Variants in TMX1 observed in about 807,000 individuals in gnomAD.
TMX1 encodes the protein thioredoxin related transmembrane protein 1, also known as thioredoxin-related transmembrane protein 1.
TMX1 carries 25 observed loss-of-function variants against 36.6 expected under a neutral mutation model. That is an observed-to-expected ratio of 0.68 (90% confidence interval 0.50 to 0.95). The LOEUF is 0.95. TMX1 is among the 40% of genes least tolerant of loss of function. The pLI is 0.00. For missense variants in TMX1, 347 were observed against 339.6 expected, an observed-to-expected ratio of 1.02 and a Z score of -0.17; for synonymous variants, 133 against 118.0, an observed-to-expected ratio of 1.13 and a Z score of -0.82.
At chr14:51,250,361 A>G (rs1055544389) in intron 7 of TMX1, among the ~76,000 whole-genome samples, 3 of 152,252 alleles carry the variant, frequency 2.0e-5, no homozygotes, top group Non-Finnish European at 4.4e-5. Context: ...TAGAGTGCAT[A>G]GGTGTTACTG....
In TMX1 at chr14:51,240,458, G is replaced by T; in HGVS notation, c.152+14G>T. 1 of 1,612,236 alleles carries T rather than the reference G, an allele frequency of 6.2e-7. No homozygotes were observed. On this transcript the variant is annotated intron_variant, in intron 1 of 7. Transcript: ENST00000457354. Reference sequence around the variant, plus strand: ...GATGATAGAATTGTGAGTGCGGGGCGGCCAGGGTCCTACGTCCGTGCCTGG... The same window carrying T: ...GATGATAGAATTGTGAGTGCGGGGCTGCCAGGGTCCTACGTCCGTGCCTGG...
At position 51,247,158 on chromosome 14, in the gene TMX1, A is replaced by T; in HGVS notation, c.381A>T (p.Ile127=). 6.2e-7 allele frequency: 1 copy of T among 1,613,370 alleles called. No homozygotes were observed. The highest frequency in any genetic ancestry group is 8.5e-7 in the Non-Finnish European group (1 of 1,179,742). The stretch of plus-strand genomic sequence containing the variant: ...CTAAGAAGGACTTCATAAACTTTAT[A>T]AGTGATAAAGAGTGGAAGAGTATTG... ...PRTKKDFINF[I]SDKEWKSIEP... Residue 127 remains isoleucine, a synonymous_variant, in exon 4 of 8, where the codon ATA becomes ATT. Transcript: ENST00000457354.
At chr14:51,250,553 G>A (rs549238044) in intron 7 of TMX1, among the ~76,000 whole-genome samples, 3 of 152,072 alleles carry the variant, frequency 2.0e-5, no homozygotes, top group African/African-American at 2.4e-5. Flanking sequence ...GTGCAGTGGC[G>A]CGATCTTGGC....
At chr14:51,249,647 G>C (rs2065802625) in intron 6 of TMX1, 46 bp from the exon 7 acceptor site, 2 of 1,593,502 alleles carry the variant, frequency 1.3e-6, no homozygotes, top group African/African-American at 2.7e-5. Context: ...CATTAGCTGT[G>C]GCATATATTC....
At chr14:51,252,618 A>G (rs1402611746) in intron 7 of TMX1, among the ~76,000 whole-genome samples, 2 of 152,194 alleles carry the variant, frequency 1.3e-5, no homozygotes, top group Non-Finnish European at 2.9e-5. Flanking sequence ...TTCTTTAGTA[A>G]TACAACTGAT....
Position 51,245,295 on chromosome 14 carries a change from T to C in TMX1, c.269-18T>C, listed in dbSNP as rs550885531. ...TGATTGGCCTATGTAAAACCTGCTG[T>C]GTGTTCTTTATTTGTAGGACTGAGT... On this transcript the variant is annotated intron_variant, in intron 2 of 7. Coordinates refer to ENST00000457354, the MANE Select transcript of TMX1 (RefSeq NM_030755.5). 1.2e-6 allele frequency: 2 copies of C among 1,613,414 alleles called. No homozygotes were observed. The highest frequency in any genetic ancestry group is 2.2e-5 in the South Asian group (2 of 91,054).
At chr14:51,242,179 A>G (rs920002851) in intron 1 of TMX1, among the ~76,000 whole-genome samples, 2 of 152,184 alleles carry the variant, frequency 1.3e-5, no homozygotes, top group Non-Finnish European at 2.9e-5. Flanking sequence ...GGAAATTTTC[A>G]TAGTATGCAT....
rs1457007933 is a variant in TMX1, at chr14:51,240,274, G to C, written c.-19G>C. The C allele has an allele frequency of 6.2e-7, 1 of 1,606,708 alleles. No individual in the cohort carries two copies. On this transcript the variant is annotated 5_prime_UTR_variant, in exon 1 of 8. Transcript: ENST00000457354. ...TGGGAGCTGCGACCGCGCTCCCTGT[G>C]AGGTGGGCAAGCGGCGAAATGGCGC...
Position 51,254,534 on chromosome 14 carries a change from T to C in TMX1, c.*15T>C, listed in dbSNP as rs2065829972. On this transcript the variant is annotated 3_prime_UTR_variant, in exon 8 of 8. Coordinates refer to ENST00000457354, the MANE Select transcript of TMX1 (RefSeq NM_030755.5). Reference sequence around the variant, plus strand: ...ATAAATCCTAGTTAAATTTTATAGTTATCTTAATATTATGATTTTGATAAA... The same window carrying C: ...ATAAATCCTAGTTAAATTTTATAGTCATCTTAATATTATGATTTTGATAAA... 1 of 1,567,514 alleles carries C rather than the reference T, an allele frequency of 6.4e-7. No homozygotes were observed. The highest frequency in any genetic ancestry group is 1.2e-5 in the South Asian group (1 of 81,558).
chr14:51,245,089 ACT>A (rs542639478), intron 2 of TMX1, among the ~76,000 whole-genome samples: 66 of 152,180 alleles, frequency 4.3e-4, no homozygotes, highest in African/African-American at 1.5e-3. Context: ...TGTATTCAGT[ACT>A]CTAGTTCTAC....
intron 4 of TMX1, among the ~76,000 whole-genome samples, chr14:51,247,421 A>G (rs979526611): frequency 5.5e-5 from 8 of 145,834 alleles, no homozygotes; most frequent in East Asian, 4.0e-4. Context: ...CAGTGGCGCA[A>G]TCTCGGCTCA....
rs2065838005 is a variant in TMX1, at chr14:51,256,262, A to AT, written c.*1750dup. 1 of 151,788 alleles carries AT rather than the reference A, an allele frequency of 6.6e-6. No individual in the cohort carries two copies. Among genetic ancestry groups the AT allele is most frequent in the African/African-American group, 2.4e-5 (1 of 41,340 alleles). 9.4% of individuals were successfully genotyped at this position (151,788 alleles called of 1,614,324 possible). Reference sequence around the variant, plus strand: ...TGTTCTAGTATATGTGACATGGCCAATTTTTTTATTAGAAAATATGTGACC... The same window carrying AT: ...TGTTCTAGTATATGTGACATGGCCAATTTTTTTTATTAGAAAATATGTGACC... On this transcript the variant is annotated 3_prime_UTR_variant, in exon 8 of 8. Coordinates refer to ENST00000457354, the MANE Select transcript of TMX1 (RefSeq NM_030755.5).
At chr14:51,250,655 C>G (rs529341509) in intron 7 of TMX1, among the ~76,000 whole-genome samples, 3 of 152,222 alleles carry the variant, frequency 2.0e-5, no homozygotes, top group African/African-American at 7.2e-5. Context: ...CCACGCCCGG[C>G]TAATTTTTTG....
chr14:51,251,137 A>G (rs943081651), intron 7 of TMX1, among the ~76,000 whole-genome samples: 1 of 152,256 alleles, frequency 6.6e-6, no homozygotes, highest in African/African-American at 2.4e-5. Context: ...AGATAGATAT[A>G]TAAAAGTAGC....
At chr14:51,247,850 C>T (rs1460255114) in intron 4 of TMX1, among the ~76,000 whole-genome samples, 2 of 152,152 alleles carry the variant, frequency 1.3e-5, no homozygotes, top group Non-Finnish European at 2.9e-5. Flanking sequence ...AAAGCTATCA[C>T]TCGAGTGTAA....
rs184706039 is a variant in TMX1, at chr14:51,253,863, A to C, written c.665-478A>C. On this transcript the variant is annotated intron_variant, in intron 7 of 7. Transcript: ENST00000457354. ...TGTTCCCCTGGGAACTGAAACAAGG[A>C]TACTGTTTAAGTTTTAGTATACTTG... 2.0e-5 allele frequency: 3 copies of C among 152,474 alleles called. No individual in the cohort carries two copies. The East Asian group carries it at 5.8e-4, about 29-fold the overall frequency. The allele number at this position is 152,474 out of a possible 1,614,324, so 9.4% of individuals were successfully genotyped here. A position where few individuals can be genotyped will look rare whatever the true frequency, so the allele number is the denominator to read the frequency against.
rs1596410545 is a variant in TMX1 at position 51,257,637 on chromosome 14, A to G, written c.*3118A>G. ...TAGAGTAACAATAAATTTAAGTTGG[A>G]ATTTTGGTAATATGTAAATAGCAAA... On this transcript the variant is annotated 3_prime_UTR_variant, in exon 8 of 8. Coordinates refer to ENST00000457354, the MANE Select transcript of TMX1 (RefSeq NM_030755.5). The G allele has an allele frequency of 6.6e-6, 1 of 152,136 alleles. No homozygotes were observed. The highest frequency in any genetic ancestry group is 2.4e-5 in the African/African-American group (1 of 41,420). 9.4% of individuals were successfully genotyped at this position (152,136 alleles called of 1,614,324 possible). A position where few individuals can be genotyped will look rare whatever the true frequency, so the allele number is the denominator to read the frequency against.
At chr14:51,249,267 T>C in intron 4 of TMX1, 59 bp from the exon 5 acceptor site, 1 of 1,382,300 alleles carries the variant, frequency 7.2e-7, no homozygotes, top group South Asian at 1.3e-5. Flanking sequence ...TAGAAAATAG[T>C]ATGTATAGAC....
intron 4 of TMX1, 74 bp from the exon 5 acceptor site, chr14:51,249,252 T>C: frequency 8.0e-7 from 1 of 1,243,530 alleles, no homozygotes; most frequent in Non-Finnish European, 1.1e-6. Context: ...GGGGAAATTA[T>C]AGAGTAGAAA....
Sources: allele counts gnomAD v4.1 joint callset (sites outside exome capture counted in the v4.1 genomes callset), GRCh38; gene constraint gnomAD v4.1.1; transcripts MANE v1.5; gene names NCBI Gene and HGNC (gene_info 2026-07-23, HGNC 2026-07-21).